PDE4D: variants seen among roughly 807,000 people sequenced by gnomAD.
PDE4D encodes 3',5'-cyclic-AMP phosphodiesterase 4D.
Under a neutral mutation model 87.4 loss-of-function variants are expected in PDE4D, and 24 were observed. The ratio of observed to expected loss-of-function variants is 0.27; its 90% confidence interval spans 0.20 to 0.39. The LOEUF (loss-of-function observed/expected upper bound fraction) is 0.39. PDE4D is among the 10% of genes least tolerant of loss of function. PDE4D has a pLI of 1.00. For synonymous variants in PDE4D, 384 were observed against 383.2 expected (o/e 1.00, Z -0.02); for missense variants, 714 against 1,041.0 (o/e 0.69, Z 4.32).
At chr5:59,400,745 TAAAA>T (rs773818889) in intron 1 of PDE4D, among the ~76,000 whole-genome samples, 1,672 of 55,364 alleles carry the variant, frequency 0.03, 29 homozygotes, top group African/African-American at 0.093. Context: ...ATAAAAAAAA[TAAAA>T]AAATAAATCT....
chr5:60,486,900 G>A (rs1749188691), intron 1 of PDE4D, among the ~76,000 whole-genome samples: 1 of 152,100 alleles, frequency 6.6e-6, no homozygotes, highest in Admixed American at 6.5e-5. Flanking sequence ...CTACCTTTGT[G>A]CTGTATTGAG....
chr5:59,846,988 CA>C (rs1240168595), intron 1 of PDE4D, among the ~76,000 whole-genome samples: 3 of 152,118 alleles, frequency 2.0e-5, no homozygotes, highest in Admixed American at 6.6e-5. Context: ...CTTAACTCAT[CA>C]GGATAATTCT....
At chr5:60,384,024 T>A (rs947910168) in intron 1 of PDE4D, among the ~76,000 whole-genome samples, 2 of 152,186 alleles carry the variant, frequency 1.3e-5, no homozygotes, top group South Asian at 4.2e-4. Context: ...CTAAATAGTA[T>A]AAAGAAAATA....
intron 1 of PDE4D, among the ~76,000 whole-genome samples, chr5:60,330,691 C>T (rs1394705505): frequency 1.3e-5 from 2 of 152,152 alleles, no homozygotes; most frequent in East Asian, 1.9e-4. Context: ...AGAGTTTGTG[C>T]CATTTTTAAG....
intron 5 of PDE4D, among the ~76,000 whole-genome samples, chr5:59,087,113 C>A (rs1767840097): frequency 1.3e-5 from 2 of 152,074 alleles, no homozygotes; most frequent in Admixed American, 1.3e-4. Flanking sequence ...GGCAATAATT[C>A]AAGCATTAGT....
chr5:60,288,817 T>C (rs191502999), intron 1 of PDE4D, among the ~76,000 whole-genome samples: 40 of 152,338 alleles, frequency 2.6e-4, no homozygotes, highest in South Asian at 1.0e-3. Context: ...ATGACCATAA[T>C]TGCAACAAGA....
intron 1 of PDE4D, among the ~76,000 whole-genome samples, chr5:59,538,022 T>A (rs1018103326): frequency 2.6e-5 from 4 of 152,216 alleles, no homozygotes; most frequent in Admixed American, 1.3e-4. Context: ...CCCTGTTGTG[T>A]CATAGTTTCC....
intron 1 of PDE4D, among the ~76,000 whole-genome samples, chr5:60,407,196 C>A (rs990246008): frequency 6.6e-6 from 1 of 152,040 alleles, no homozygotes; most frequent in Non-Finnish European, 1.5e-5. Flanking sequence ...TTATTATGAC[C>A]ACCAAAGATT....
intron 2 of PDE4D, among the ~76,000 whole-genome samples, chr5:60,026,892 C>A (rs1223450480): frequency 6.6e-6 from 1 of 152,054 alleles, no homozygotes; most frequent in African/African-American, 2.4e-5. Flanking sequence ...CTTTTTTCTC[C>A]ATACTAATGA....
chr5:60,017,140 T>C (rs780020475), intron 2 of PDE4D, among the ~76,000 whole-genome samples: 4 of 152,214 alleles, frequency 2.6e-5, no homozygotes, highest in Non-Finnish European at 5.9e-5. Flanking sequence ...CAATGAGCAG[T>C]AATATTTTGA....
intron 1 of PDE4D, among the ~76,000 whole-genome samples, chr5:59,562,154 G>GT (rs970224513): frequency 4.0e-5 from 6 of 151,510 alleles, no homozygotes; most frequent in East Asian, 1.9e-4. Flanking sequence ...GTTTTGTTTT[G>GT]TTTTTTTCAG....
chr5:59,148,754 G>GGTGT (rs3061422), intron 5 of PDE4D, among the ~76,000 whole-genome samples: 28,466 of 145,382 alleles, frequency 0.2, 2,868 homozygotes, highest in East Asian at 0.3. Flanking sequence ...AATATATAGC[G>GGTGT]GTGTGTGTGT....
chr5:59,117,088 T>G (rs1007946586), intron 5 of PDE4D, among the ~76,000 whole-genome samples: 2 of 152,174 alleles, frequency 1.3e-5, no homozygotes, highest in East Asian at 1.9e-4. Flanking sequence ...TTCTCTACGT[T>G]TAGCCACTAA....
chr5:59,613,394 T>C (rs1304878700), intron 1 of PDE4D, among the ~76,000 whole-genome samples: 1 of 152,186 alleles, frequency 6.6e-6, no homozygotes, highest in Non-Finnish European at 1.5e-5. Context: ...CAGTTGAATA[T>C]GAAAGTCTGT....
chr5:59,631,056 G>A (rs539964609), intron 1 of PDE4D, among the ~76,000 whole-genome samples: 6 of 152,254 alleles, frequency 3.9e-5, no homozygotes, highest in Middle Eastern at 3.4e-3. Context: ...TTTTCCACCT[G>A]TAAGGAATGG....
chr5:59,062,555 T>C (rs1763280229), intron 5 of PDE4D, among the ~76,000 whole-genome samples: 1 of 152,006 alleles, frequency 6.6e-6, no homozygotes, highest in Non-Finnish European at 1.5e-5. Context: ...TCGAGGAGTT[T>C]AGGGATAGAG....
Position 59,215,860 on chromosome 5 carries a change from C to T in PDE4D, c.564G>A (p.Arg188=), listed in dbSNP as rs1751145597. The T allele has an allele frequency of 1.9e-6, 3 of 1,613,622 alleles. No individual in the cohort carries two copies. Among genetic ancestry groups the T allele is most frequent in the Non-Finnish European group, 2.5e-6 (3 of 1,179,680 alleles). Residue 188 remains arginine (R), a synonymous_variant, in exon 2 of 15, where the codon CGG becomes CGA. Coordinates refer to ENST00000340635, the MANE Select transcript of PDE4D (RefSeq NM_001104631.2). ...LQANFVHSQR[R]ESFLYRSDSD... is the part of the protein sequence containing the mutation. The stretch of plus-strand genomic sequence containing the variant: ...TGTCGGATCGATACAGGAAGGACTC[C>T]CGTCGTTGACTGTGGACAAAATTTG...
chr5:60,076,870 G>A (rs755045316), intron 2 of PDE4D, among the ~76,000 whole-genome samples: 1 of 152,202 alleles, frequency 6.6e-6, no homozygotes, highest in Non-Finnish European at 1.5e-5. Context: ...GTGCTAGCAG[G>A]TGCTGGGGTT....
intron 2 of PDE4D, among the ~76,000 whole-genome samples, chr5:59,994,795 G>C (rs1438123778): frequency 2.6e-5 from 4 of 152,102 alleles, no homozygotes; most frequent in Non-Finnish European, 5.9e-5. Context: ...GCATTTTCTT[G>C]TTACAGGTAG....
Sources: gnomAD v4.1 joint callset for allele counts (sites outside exome capture counted in the v4.1 genomes callset) on GRCh38, gnomAD v4.1.1 for gene constraint, MANE v1.5 for transcripts, NCBI Gene and HGNC (gene_info 2026-07-23, HGNC 2026-07-21) for gene names.